Variants in PEX5 observed in about 807,000 individuals in gnomAD.
The protein encoded by PEX5 is peroxisomal biogenesis factor 5, also known as PTS1 receptor.
In PEX5, 52 loss-of-function variants were observed where a neutral mutation model predicts 82.9. The observed-to-expected ratio is 0.63, with a 90% CI of 0.50 to 0.79. The LOEUF (loss-of-function observed/expected upper bound fraction) is 0.79, where lower values mean the gene tolerates loss of function less well. Ranked by LOEUF, PEX5 falls within the 30% of genes least tolerant of loss-of-function variation. The pLI, the probability that PEX5 is intolerant of heterozygous loss-of-function variation, is 0.00. For synonymous variants in PEX5, 300 were observed against 318.8 expected, an observed-to-expected ratio of 0.94 and a Z score of 0.63; for missense variants, 719 against 815.2, an observed-to-expected ratio of 0.88 and a Z score of 1.44.
At chr12:7,198,180 C>T (rs774516150) in intron 5 of PEX5, among the ~76,000 whole-genome samples, 5 of 152,130 alleles carry the variant, frequency 3.3e-5, no homozygotes, top group Admixed American at 6.5e-5. Context: ...ACTAGAGCTT[C>T]TGAGACAGTT....
downstream of PEX5, among the ~76,000 whole-genome samples, chr12:7,216,031 G>A (rs978824850): frequency 1.8e-4 from 28 of 152,024 alleles, no homozygotes; most frequent in African/African-American, 6.5e-4. Flanking sequence ...GCAATGGCAC[G>A]ATCTCGGCTC....
At position 7,201,974 on chromosome 12, in the gene PEX5, CAG is replaced by C. The variant is rs1457948855; in HGVS notation, c.642+137_642+138del. The C allele has an allele frequency of 1.5e-5, 12 of 775,544 alleles. No homozygotes were observed. The African/African-American group carries it at 2.0e-4, about 13-fold the overall frequency. The allele number at this position is 775,544 out of a possible 1,614,324, so 48.0% of individuals were successfully genotyped here. A position where few individuals can be genotyped will look rare whatever the true frequency, so the allele number is the denominator to read the frequency against. On this transcript the variant is annotated intron_variant, in intron 7 of 15. Coordinates refer to ENST00000675855, the MANE Select transcript of PEX5 (RefSeq NM_001351132.2). ...GGTCTCTTCGTTCCTGTCTATAGAA[CAG>C]AGACTTAAGATCCTGCCTCTTCCTT...
At chr12:7,208,171 T>TCTTTCTGAGTGCTATCAA (rs1945057064) in intron 12 of PEX5, 91 bp downstream of exon 12, 1 of 947,336 alleles carries the variant, frequency 1.1e-6, no homozygotes, top group Admixed American at 1.8e-5. Flanking sequence ...ATCCTTGTCT[T>TCTTTCTGAGTGCTATCAA]CTTTCTGAGT....
chr12:7,210,166 GGCA>G lies in PEX5; in HGVS notation c.1866_1868del (p.Ala623del). ...TGTTAGGCCAGAGCGATGCCTATGG[GGCA>G]GCCGACGCGCGGGATCTGTCCACCC... is the stretch of plus-strand genomic sequence containing the variant. On this transcript the variant is annotated inframe_deletion, in exon 16 of 16. Transcript: ENST00000675855. 6.2e-7 allele frequency: 1 copy of G among 1,614,226 alleles called. No homozygotes were observed. Among genetic ancestry groups the G allele is most frequent in the South Asian group, 1.1e-5 (1 of 91,086 alleles).
At chr12:7,190,158 G>A (rs1940713438) in intron 1 of PEX5, 1 of 1,491,332 alleles carries the variant, frequency 6.7e-7, no homozygotes, top group East Asian at 2.5e-5. Flanking sequence ...GCTGGAAGCG[G>A]TGGCCTTTGA....
chr12:7,209,016 TTGAAG>T lies in PEX5; in HGVS notation c.1411_1415del (p.Val471ArgfsTer15). 1.2e-6 allele frequency: 2 copies of T among 1,614,172 alleles called. No individual in the cohort carries two copies. Among genetic ancestry groups the T allele is most frequent in the Non-Finnish European group, 1.7e-6 (2 of 1,180,000 alleles). Reference sequence around the variant, plus strand: ...TCCTTTTCATCCAGCTCCCTGTTTCTTGAAGTGAAAGAGCTCTTCCTGGCAGCTGT... The same window carrying T: ...TCCTTTTCATCCAGCTCCCTGTTTCTTGAAAGAGCTCTTCCTGGCAGCTGT... On this transcript the variant is annotated frameshift_variant, in exon 14 of 16. Coordinates refer to ENST00000675855, the MANE Select transcript of PEX5 (RefSeq NM_001351132.2). LOFTEE classifies it high-confidence loss of function.
chr12:7,215,515 A>G (rs1000734480), downstream of PEX5, among the ~76,000 whole-genome samples: 3 of 152,334 alleles, frequency 2.0e-5, no homozygotes, highest in African/African-American at 7.2e-5. Flanking sequence ...GGTGGACTGG[A>G]TAAAGCAAAT....
At chr12:7,218,163 C>T (rs1342569460) in intron 17 of PEX5, among the ~76,000 whole-genome samples, 2 of 152,058 alleles carry the variant, frequency 1.3e-5, no homozygotes, top group Admixed American at 6.5e-5. Flanking sequence ...GATTTATTGA[C>T]GATTATTATG....
Position 7,208,752 on chromosome 12 carries a change from A to T in PEX5, c.1394+83A>T. 5 of 1,197,468 alleles carry T rather than the reference A, an allele frequency of 4.2e-6. No individual in the cohort carries two copies. The South Asian group carries it at 4.9e-5, about 12-fold the overall frequency. 74.2% of individuals were successfully genotyped at this position (1,197,468 alleles called of 1,614,324 possible). On this transcript the variant is annotated intron_variant, in intron 13 of 15. Coordinates refer to ENST00000675855, the MANE Select transcript of PEX5 (RefSeq NM_001351132.2). ...GGTGACCTTGGTTTTGGAAGTTTGG[A>T]TGGATTGAGACTGAAGGGTCCTGAG...
chr12:7,210,261 G>A lies in PEX5; in HGVS notation c.*38G>A. 6.3e-7 allele frequency: 1 copy of A among 1,590,402 alleles called. No individual in the cohort carries two copies. Among genetic ancestry groups the A allele is most frequent in the Non-Finnish European group, 8.6e-7 (1 of 1,159,752 alleles). ...CTGCCCTGTGAGTGTCCACCTGGAG[G>A]GATCCCCGCTTTGGATGTGATTCCC... is the stretch of plus-strand genomic sequence containing the variant. On this transcript the variant is annotated 3_prime_UTR_variant, in exon 16 of 16. Coordinates refer to ENST00000675855, the MANE Select transcript of PEX5 (RefSeq NM_001351132.2).
chr12:7,208,192 G>A, intron 12 of PEX5, 112 bp downstream of exon 12: 2 of 851,596 alleles, frequency 2.3e-6, no homozygotes, highest in Non-Finnish European at 4.0e-6. Context: ...GCTATCAAGA[G>A]TGTTTTCTCA....
chr12:7,210,528 G>A lies in PEX5; in HGVS notation c.*305G>A. The A allele has an allele frequency of 2.0e-6, 1 of 493,844 alleles. No homozygotes were observed. 30.6% of individuals were successfully genotyped at this position (493,844 alleles called of 1,614,324 possible). A position where few individuals can be genotyped will look rare whatever the true frequency, so the allele number is the denominator to read the frequency against. On this transcript the variant is annotated 3_prime_UTR_variant, in exon 16 of 16. Transcript: ENST00000675855. ...TTTGGGTAGGACCCCACGATTTAGGGTAACTGTTATCATCAGCTGCCATTT... is the reference window on the plus strand; with the variant it reads ...TTTGGGTAGGACCCCACGATTTAGGATAACTGTTATCATCAGCTGCCATTT...
chr12:7,189,521 C>T (rs546094512), upstream of PEX5: 117 of 171,014 alleles, frequency 6.8e-4, 1 homozygote, highest in African/African-American at 2.2e-3. Context: ...CTCCAAGACC[C>T]GCTCTCTAAG....
chr12:7,192,440 A>C lies in PEX5; in HGVS notation c.448+740A>C, dbSNP rs115395473. ...TTCTTTCTTGCTTTGCTACAGACTTAAAGGTTTCAGCCTAATTTTTCCTCT... is the reference window on the plus strand; with the variant it reads ...TTCTTTCTTGCTTTGCTACAGACTTCAAGGTTTCAGCCTAATTTTTCCTCT... On this transcript the variant is annotated intron_variant, in intron 5 of 15. Transcript: ENST00000675855. Among the ~76,000 whole-genome samples, 739 of 152,280 alleles carry C rather than the reference A, an allele frequency of 4.9e-3. 7 individuals carry two copies. Among genetic ancestry groups the C allele is most frequent in the African/African-American group, 0.015 (638 of 41,548 alleles).
chr12:7,189,958 G>C (rs1396319280), intron 1 of PEX5: 37 of 1,492,066 alleles, frequency 2.5e-5, no homozygotes, highest in Non-Finnish European at 3.3e-5. Flanking sequence ...TGCTCACCGC[G>C]TGCTGGGGCT....
downstream of PEX5, chr12:7,212,860 T>G (rs1945661811): frequency 6.6e-6 from 1 of 152,294 alleles, no homozygotes; most frequent in South Asian, 2.1e-4. Context: ...GCTGGTGTCT[T>G]GGGCTCTGCA....
intron 6 of PEX5, among the ~76,000 whole-genome samples, chr12:7,201,255 A>G (rs772201475): frequency 6.7e-6 from 1 of 149,534 alleles, no homozygotes; most frequent in South Asian, 2.3e-4. Flanking sequence ...ATGTAGATAC[A>G]TGCGTACACA....
intron 5 of PEX5, among the ~76,000 whole-genome samples, chr12:7,196,127 A>G (rs1402878650): frequency 1.8e-5 from 2 of 108,710 alleles, no homozygotes; most frequent in Non-Finnish European, 4.1e-5. Context: ...TATGTTATAT[A>G]TAATGTATTT....
chr12:7,217,967 A>C (rs1209013242), intron 17 of PEX5, among the ~76,000 whole-genome samples: 2 of 152,188 alleles, frequency 1.3e-5, no homozygotes, highest in Non-Finnish European at 1.5e-5. Flanking sequence ...TTTCAGTTCC[A>C]TGCAGAGTGG....
Sources: gnomAD v4.1 joint callset for allele counts (sites outside exome capture counted in the v4.1 genomes callset) on GRCh38, gnomAD v4.1.1 for gene constraint, MANE v1.5 for transcripts, NCBI Gene and HGNC (gene_info 2026-07-23, HGNC 2026-07-21) for gene names.